The following B3GALT1 variants were observed in gnomAD, a reference collection of about 807,000 sequenced individuals.
The protein encoded by B3GALT1 is UDP-Gal:betaGlcNAc beta 1,3-galactosyltransferase, polypeptide 1.
B3GALT1 carries 10 observed loss-of-function variants against 23.2 expected under a neutral mutation model. The ratio of observed to expected loss-of-function variants is 0.43; its 90% CI spans 0.27 to 0.73. The LOEUF is 0.73. Among genes scored for constraint, B3GALT1 ranks in the 30% least tolerant of loss-of-function variants. B3GALT1 has a pLI of 0.21. For synonymous variants in B3GALT1, 156 were observed against 141.5 expected (o/e 1.10, Z -0.73); for missense variants, 299 against 405.4 (o/e 0.74, Z 2.25).
chr2:167,493,905 G>T (rs918629729), intron 2 of B3GALT1, among the ~76,000 whole-genome samples: 3 of 152,086 alleles, frequency 2.0e-5, no homozygotes, highest in Non-Finnish European at 2.9e-5. Flanking sequence ...AGCTCCTCAT[G>T]TTGTTGTATT....
At chr2:167,538,348 T>A (rs898061553) in intron 2 of B3GALT1, among the ~76,000 whole-genome samples, 1 of 152,204 alleles carries the variant, frequency 6.6e-6, no homozygotes, top group Non-Finnish European at 1.5e-5. Flanking sequence ...GCTTTTAAAG[T>A]ATGTATCAGT....
chr2:167,483,490 G>T (rs1699586708), intron 1 of B3GALT1, among the ~76,000 whole-genome samples: 1 of 152,090 alleles, frequency 6.6e-6, no homozygotes, highest in African/African-American at 2.4e-5. Context: ...ATTTAACTCA[G>T]TTATTAACAA....
At chr2:167,299,685 A>G (rs1696414577) in intron 1 of B3GALT1, among the ~76,000 whole-genome samples, 1 of 152,106 alleles carries the variant, frequency 6.6e-6, no homozygotes, top group Admixed American at 6.5e-5. Context: ...TCCTTTATGC[A>G]AAGAAATAAA....
chr2:167,419,917 A>G (rs1031560569), intron 1 of B3GALT1, among the ~76,000 whole-genome samples: 2 of 152,224 alleles, frequency 1.3e-5, no homozygotes, highest in Non-Finnish European at 2.9e-5. Context: ...AGCCACTGCT[A>G]TAATGAGAGT....
intron 2 of B3GALT1, among the ~76,000 whole-genome samples, chr2:167,561,921 G>A (rs1334068910): frequency 4.6e-5 from 7 of 152,118 alleles, no homozygotes; most frequent in Non-Finnish European, 1.0e-4. Context: ...ATTCCAGTCA[G>A]TAGAAAAAGA....
chr2:167,863,497 T>C (rs1394528337), intron 4 of B3GALT1, among the ~76,000 whole-genome samples: 1 of 152,174 alleles, frequency 6.6e-6, no homozygotes. Flanking sequence ...ACAGATTTAT[T>C]TGTGCCCTCT....
At chr2:167,370,382 A>T (rs1697663405) in intron 1 of B3GALT1, among the ~76,000 whole-genome samples, 1 of 48,976 alleles carries the variant, frequency 2.0e-5, no homozygotes, top group African/African-American at 3.5e-5. Context: ...AGTTTCTTTG[A>T]TGATTTCATT....
At chr2:167,579,420 GTTTTTTTTTGTCTTT>G (rs1558913428) in intron 2 of B3GALT1, among the ~76,000 whole-genome samples, 3 of 93,066 alleles carry the variant, frequency 3.2e-5, no homozygotes, top group Non-Finnish European at 6.2e-5. Context: ...TTTTGGTTTT[GTTTTTTTTTGTCTTT>G]TTTTTTTTTT....
chr2:167,609,042 CTCATTTCCATTATAAATG>C (rs1272161169), intron 2 of B3GALT1, among the ~76,000 whole-genome samples: 24 of 152,250 alleles, frequency 1.6e-4, no homozygotes, highest in Admixed American at 1.4e-3. Context: ...GTATCTGTTG[CTCATTTCCATTATAAATG>C]TTGCTTCTTG....
At chr2:167,408,807 A>AAAAAAAAAAAAAAAAAC (rs1559087681) in intron 1 of B3GALT1, among the ~76,000 whole-genome samples, 1 of 138,076 alleles carries the variant, frequency 7.2e-6, no homozygotes, top group African/African-American at 2.7e-5. Flanking sequence ...ACAAAAAAAA[A>AAAAAAAAAAAAAAAAAC]AAAAAACAAA....
intron 2 of B3GALT1, among the ~76,000 whole-genome samples, chr2:167,512,623 T>C (rs1430597250): frequency 2.0e-5 from 1 of 49,644 alleles, no homozygotes; most frequent in South Asian, 9.8e-4. Context: ...TATATATACG[T>C]GTATATATAT....
intron 1 of B3GALT1, among the ~76,000 whole-genome samples, chr2:167,326,450 G>A (rs1258916693): frequency 1.3e-5 from 2 of 151,806 alleles, no homozygotes; most frequent in Non-Finnish European, 2.9e-5. Flanking sequence ...AGTCCCATTT[G>A]TCTATTTTTA....
At chr2:167,800,985 A>AAT (rs2105340071) in intron 3 of B3GALT1, among the ~76,000 whole-genome samples, 1 of 152,354 alleles carries the variant, frequency 6.6e-6, no homozygotes, top group African/African-American at 2.4e-5. Flanking sequence ...CCACTCAGTG[A>AAT]ATATATCCAT....
intron 1 of B3GALT1, among the ~76,000 whole-genome samples, chr2:167,424,395 CATAATAT>C (rs1205465460): frequency 5.9e-5 from 9 of 152,144 alleles, no homozygotes; most frequent in African/African-American, 2.2e-4. Context: ...GGCAGACGAG[CATAATAT>C]ACAAGGAAGC....
At chr2:167,428,629 G>A (rs927847604) in intron 1 of B3GALT1, among the ~76,000 whole-genome samples, 7 of 152,088 alleles carry the variant, frequency 4.6e-5, no homozygotes, top group Admixed American at 1.3e-4. Context: ...AGTGAGCTGA[G>A]ATCGCCCCAC....
intron 3 of B3GALT1, among the ~76,000 whole-genome samples, chr2:167,668,217 G>A (rs1313785037): frequency 1.3e-5 from 2 of 151,908 alleles, no homozygotes; most frequent in Admixed American, 6.6e-5. Context: ...ACCGCGTGAG[G>A]TGTTAGTCTG....
intron 3 of B3GALT1, among the ~76,000 whole-genome samples, chr2:167,723,906 T>G (rs192833462): frequency 1.4e-3 from 206 of 152,324 alleles, no homozygotes; most frequent in African/African-American, 4.6e-3. Flanking sequence ...TGGCCTATAG[T>G]CATAAGTCTT....
chr2:167,319,829 C>T (rs185153263), intron 1 of B3GALT1, among the ~76,000 whole-genome samples: 31 of 152,112 alleles, frequency 2.0e-4, no homozygotes, highest in African/African-American at 7.5e-4. Flanking sequence ...TGTTCTAAGC[C>T]TTTTGTTATG....
chr2:167,429,938 A>C (rs1698683737), intron 1 of B3GALT1, among the ~76,000 whole-genome samples: 1 of 152,252 alleles, frequency 6.6e-6, no homozygotes, highest in African/African-American at 2.4e-5. Flanking sequence ...CATTCTAAAC[A>C]CTGGATATAC....
Sources: allele counts gnomAD v4.1 joint callset (sites outside exome capture counted in the v4.1 genomes callset), GRCh38; gene constraint gnomAD v4.1.1; transcripts MANE v1.5; gene names NCBI Gene and HGNC (gene_info 2026-07-23, HGNC 2026-07-21).